CGNL1: variants seen among roughly 807,000 people sequenced by gnomAD.
CGNL1 encodes the protein cingulin like 1.
In CGNL1, 132 loss-of-function variants were observed where a neutral mutation model predicts 141.2. The ratio of observed to expected loss-of-function variants is 0.93; its 90% CI spans 0.81 to 1.08. The LOEUF (loss-of-function observed/expected upper bound fraction) is 1.08. Ranked by LOEUF, CGNL1 falls within the 50% of genes least tolerant of loss-of-function variation. CGNL1 has a pLI of 0.00. For synonymous variants in CGNL1, 690 were observed against 622.1 expected, an observed-to-expected ratio of 1.11 and a Z score of -1.63; for missense variants, 1,870 against 1,588.6, an observed-to-expected ratio of 1.18 and a Z score of -3.01.
In CGNL1 at chr15:57,546,060, T is replaced by C. The variant is rs2635390; in HGVS notation, c.3610-16T>C. 0.72 allele frequency: 1,151,001 copies of C among 1,606,840 alleles called. 413,234 individuals carry two copies. The highest frequency in any genetic ancestry group is 0.75 in the Admixed American group (44,750 of 59,746). On this transcript the variant is annotated splice_polypyrimidine_tract_variant and intron_variant, in intron 17 of 18. Transcript: ENST00000281282. ...GCCATCAGCCGGCACTCAGCCCACA[T>C]TCTCTCCCGGTGCAGCTGAGCTTGC... is the stretch of plus-strand genomic sequence containing the variant.
intron 8 of CGNL1, among the ~76,000 whole-genome samples, chr15:57,502,314 T>G (rs2064036497): frequency 6.6e-6 from 1 of 152,200 alleles, no homozygotes; most frequent in Admixed American, 6.5e-5. Context: ...GGAGTTTCCA[T>G]GCCTGAGAGC....
intron 12 of CGNL1, 22 bp from the exon 13 acceptor site, chr15:57,528,632 T>C: frequency 6.2e-7 from 1 of 1,613,036 alleles, no homozygotes. Flanking sequence ...CAGAAAACCA[T>C]CCCAGCTGTC....
chr15:57,459,053 TC>T (rs1194622761), intron 7 of CGNL1, among the ~76,000 whole-genome samples: 1 of 152,188 alleles, frequency 6.6e-6, no homozygotes, highest in Non-Finnish European at 1.5e-5. Flanking sequence ...AAATGTTTCT[TC>T]CCTCATCAGA....
chr15:57,441,919 A>C (rs2063191818), intron 3 of CGNL1, among the ~76,000 whole-genome samples: 1 of 152,194 alleles, frequency 6.6e-6, no homozygotes, highest in African/African-American at 2.4e-5. Flanking sequence ...TAGGTTAAAC[A>C]AATTAAGATC....
chr15:57,426,766 A>C (rs1168821837), intron 1 of CGNL1, among the ~76,000 whole-genome samples: 1 of 152,074 alleles, frequency 6.6e-6, no homozygotes, highest in Admixed American at 6.6e-5. Flanking sequence ...GCCAGGAGAC[A>C]CATTCATGCT....
At chr15:57,471,190 G>A (rs1034629043) in intron 8 of CGNL1, among the ~76,000 whole-genome samples, 24 of 152,208 alleles carry the variant, frequency 1.6e-4, no homozygotes, top group Admixed American at 1.6e-3. Context: ...TCTGAGGAGA[G>A]CCTCTACCTT....
At chr15:57,466,742 T>G (rs2063515749) in intron 8 of CGNL1, among the ~76,000 whole-genome samples, 1 of 152,176 alleles carries the variant, frequency 6.6e-6, no homozygotes, top group African/African-American at 2.4e-5. Context: ...TTAGACTGTT[T>G]TGGCTTTTAA....
intron 8 of CGNL1, among the ~76,000 whole-genome samples, chr15:57,475,637 T>A (rs552257667): frequency 1.3e-5 from 2 of 150,100 alleles, no homozygotes; most frequent in Non-Finnish European, 3.0e-5. Flanking sequence ...ACACCACATC[T>A]CTGATCCCAA....
chr15:57,444,306 G>C (rs1357403884), intron 4 of CGNL1, among the ~76,000 whole-genome samples: 1 of 152,108 alleles, frequency 6.6e-6, no homozygotes, highest in African/African-American at 2.4e-5. Context: ...ATTTTCCATT[G>C]TATCTGTATA....
chr15:57,405,104 A>G (rs1435607427), intron 1 of CGNL1: 1 of 152,150 alleles, frequency 6.6e-6, no homozygotes, highest in Non-Finnish European at 1.5e-5. Context: ...GAATTTGCAT[A>G]TCATCTTTGT....
chr15:57,453,269 A>G (rs2063341754), intron 6 of CGNL1, among the ~76,000 whole-genome samples: 1 of 152,228 alleles, frequency 6.6e-6, no homozygotes, highest in South Asian at 2.1e-4. Flanking sequence ...AGTGGGCTGA[A>G]CTGGCCCACA....
rs2030850381 is a variant in CGNL1 at position 57,516,890 on chromosome 15, C to T, written c.2514C>T (p.Ser838=). The change falls in exon 9 of 19, where the codon AGC becomes AGT. Residue 838 remains serine, a synonymous_variant. Transcript: ENST00000281282. ...QEENEKLQGR[S]EELERRVAQL... ...AGAATGAGAAGCTGCAGGGAAGAAG[C>T]GAAGAGCTGGAGCGGAGAGTTGCTC... 2 of 1,613,422 alleles carry T rather than the reference C, an allele frequency of 1.2e-6. No homozygotes were observed. The highest frequency in any genetic ancestry group is 1.1e-5 in the South Asian group (1 of 91,066).
intron 8 of CGNL1, among the ~76,000 whole-genome samples, chr15:57,473,810 C>A (rs565332236): frequency 3.9e-4 from 59 of 151,484 alleles, no homozygotes; most frequent in African/African-American, 1.3e-3. Flanking sequence ...ATGACTATAA[C>A]CTTGACTAAC....
chr15:57,528,918 G>A (rs2031789917), intron 13 of CGNL1, 103 bp downstream of exon 13: 6 of 1,265,684 alleles, frequency 4.7e-6, no homozygotes, highest in South Asian at 1.5e-5. Context: ...GGGAAGTCTT[G>A]GATTTTTATT....
intron 8 of CGNL1, among the ~76,000 whole-genome samples, chr15:57,511,953 A>G (rs1458765971): frequency 1.3e-5 from 2 of 152,268 alleles, no homozygotes; most frequent in East Asian, 3.8e-4. Flanking sequence ...TTCCTCTCTA[A>G]TATTGTTATA....
At chr15:57,463,952 T>A (rs750930630) in intron 8 of CGNL1, among the ~76,000 whole-genome samples, 10 of 152,152 alleles carry the variant, frequency 6.6e-5, no homozygotes, top group Non-Finnish European at 1.5e-5. Flanking sequence ...TTCCTTAGGG[T>A]TTCTGCGGAA....
chr15:57,448,026 G>A (rs1316323277), intron 4 of CGNL1, among the ~76,000 whole-genome samples: 3 of 151,918 alleles, frequency 2.0e-5, no homozygotes, highest in African/African-American at 7.3e-5. Flanking sequence ...CTTTTCTTTG[G>A]CCAGGTGCAG....
intron 1 of CGNL1, among the ~76,000 whole-genome samples, chr15:57,390,778 C>T (rs1265601449): frequency 1.3e-5 from 2 of 151,992 alleles, no homozygotes; most frequent in Non-Finnish European, 2.9e-5. Context: ...CGATGGGGCT[C>T]GTGGGAGTGC....
chr15:57,414,826 A>G (rs1335659118), intron 1 of CGNL1, among the ~76,000 whole-genome samples: 1 of 152,198 alleles, frequency 6.6e-6, no homozygotes, highest in African/African-American at 2.4e-5. Flanking sequence ...GACTTGATCC[A>G]TGATTCCAGC....
Sources: allele counts gnomAD v4.1 joint callset (sites outside exome capture counted in the v4.1 genomes callset), GRCh38; gene constraint gnomAD v4.1.1; transcripts MANE v1.5; gene names NCBI Gene and HGNC (gene_info 2026-07-23, HGNC 2026-07-21).